The following DNAH8 variants were observed in gnomAD, a reference collection of about 807,000 sequenced individuals.
DNAH8 encodes dynein axonemal heavy chain 8.
A neutral mutation model predicts 562.1 loss-of-function variants in DNAH8; 382 were observed. The ratio of observed to expected loss-of-function variants is 0.68; its 90% CI spans 0.63 to 0.74. The LOEUF (loss-of-function observed/expected upper bound fraction) is 0.74. Ranked by LOEUF, DNAH8 falls within the 30% of genes least tolerant of loss-of-function variation. The probability of loss-of-function intolerance (pLI) is 0.00; values close to 1 mark genes in which losing one functional copy is unlikely to be tolerated. For synonymous variants in DNAH8, 1,881 were observed against 1,919.4 expected (o/e 0.98, Z 0.52); for missense variants, 5,203 against 5,620.4 (o/e 0.93, Z 2.37).
rs1774445864 is a variant in DNAH8 at position 38,838,047 on chromosome 6, G to C, written c.4466+5G>C. On this transcript the variant is annotated splice_donor_5th_base_variant and intron_variant, in intron 33 of 92. Coordinates refer to ENST00000327475, the MANE Select transcript of DNAH8 (RefSeq NM_001206927.2). ...TGAGGTTTTACACAAAACCAGGTAA[G>C]TTTAGAAAATAAGCAAGTATTACAT... 1 of 1,585,240 alleles carries C rather than the reference G, an allele frequency of 6.3e-7. No individual in the cohort carries two copies. Among genetic ancestry groups the C allele is most frequent in the Non-Finnish European group, 8.6e-7 (1 of 1,160,104 alleles).
intron 91 of DNAH8, among the ~76,000 whole-genome samples, chr6:39,020,622 A>G (rs1766855457): frequency 6.6e-6 from 1 of 152,120 alleles, no homozygotes; most frequent in African/African-American, 2.4e-5. Flanking sequence ...CCTATCATCT[A>G]GGTTTTAAGC....
At chr6:38,791,513 G>C (rs146115386) in intron 20 of DNAH8, 42 bp from the exon 21 acceptor site, 68 of 1,580,344 alleles carry the variant, frequency 4.3e-5, no homozygotes, top group Non-Finnish European at 5.7e-5. Flanking sequence ...TAGCTCTAAA[G>C]GAAAGAAGAG....
chr6:38,881,304 G>A (rs1778459817), intron 53 of DNAH8, among the ~76,000 whole-genome samples: 1 of 152,166 alleles, frequency 6.6e-6, no homozygotes, highest in Non-Finnish European at 1.5e-5. Context: ...CAATATCAAT[G>A]TATGCTTTCT....
Position 39,030,574 on chromosome 6 carries a change from G to T in DNAH8, c.*182G>T. On this transcript the variant is annotated 3_prime_UTR_variant, in exon 93 of 93. Transcript: ENST00000327475. ...TTCCTCACATATCAATATTCAAAAAGATAACTCTAAATGAATGTTTTTTAT... is the reference window on the plus strand; with the variant it reads ...TTCCTCACATATCAATATTCAAAAATATAACTCTAAATGAATGTTTTTTAT... 1.8e-6 allele frequency: 1 copy of T among 551,190 alleles called. No homozygotes were observed. Among genetic ancestry groups the T allele is most frequent in the Non-Finnish European group, 3.2e-6 (1 of 314,970 alleles). The allele number at this position is 551,190 out of a possible 1,614,324, so 34.1% of individuals were successfully genotyped here.
At chr6:38,935,521 C>T in intron 76 of DNAH8, 71 bp from the exon 77 acceptor site, 1 of 1,030,328 alleles carries the variant, frequency 9.7e-7, no homozygotes, top group South Asian at 1.5e-5. Context: ...TTAATAAACA[C>T]TAGTGAGTTG....
At chr6:39,002,176 A>G (rs1189096734) in intron 88 of DNAH8, among the ~76,000 whole-genome samples, 1 of 152,186 alleles carries the variant, frequency 6.6e-6, no homozygotes, top group Non-Finnish European at 1.5e-5. Context: ...TGATAAAGTC[A>G]GAGGTTCAAT....
At chr6:38,872,263 A>C (rs1420342526) in intron 49 of DNAH8, among the ~76,000 whole-genome samples, 4 of 152,242 alleles carry the variant, frequency 2.6e-5, no homozygotes, top group Non-Finnish European at 4.4e-5. Flanking sequence ...ACAGGGAATC[A>C]TCACGCAAGA....
intron 43 of DNAH8, among the ~76,000 whole-genome samples, chr6:38,860,893 GA>G (rs1776568753): frequency 1.3e-5 from 2 of 152,168 alleles, no homozygotes; most frequent in South Asian, 4.1e-4. Flanking sequence ...TTGCAAGATG[GA>G]AAAATATTCC....
At chr6:38,924,984 C>T (rs1287873125) in intron 73 of DNAH8, 3 of 152,228 alleles carry the variant, frequency 2.0e-5, no homozygotes, top group Non-Finnish European at 4.4e-5. Context: ...GTAATAAATG[C>T]TTTCCAGGCA....
In DNAH8 at chr6:38,748,335, G is replaced by A. The variant is rs557102966; in HGVS notation, c.1294-2141G>A. On this transcript the variant is annotated intron_variant, in intron 8 of 92. Transcript: ENST00000327475. ...ATCTATGAATGACATTGAGGAGGGA[G>A]GGAAAGAAATATATTGGATGACAAT... Among the ~76,000 whole-genome samples, 19 of 152,276 alleles carry A rather than the reference G, an allele frequency of 1.2e-4. No individual in the cohort carries two copies. In the South Asian group the frequency reaches 3.5e-3, roughly 28 times the overall value.
intron 26 of DNAH8, among the ~76,000 whole-genome samples, chr6:38,818,295 A>G (rs1772471221): frequency 6.6e-6 from 1 of 151,988 alleles, no homozygotes; most frequent in South Asian, 2.1e-4. Flanking sequence ...CATTCTATAT[A>G]TTTTTCTATT....
intron 91 of DNAH8, among the ~76,000 whole-genome samples, chr6:39,016,629 A>G (rs1766591905): frequency 6.6e-6 from 1 of 152,194 alleles, no homozygotes; most frequent in Admixed American, 6.5e-5. Flanking sequence ...TAGTTTCATC[A>G]CAAATATATA....
intron 88 of DNAH8, among the ~76,000 whole-genome samples, chr6:39,008,453 C>T (rs371005978): frequency 2.0e-5 from 3 of 152,188 alleles, no homozygotes; most frequent in African/African-American, 7.2e-5. Flanking sequence ...CTCTTATGAC[C>T]AGTCTATAGC....
chr6:38,914,553 T>C (rs1207201805), intron 67 of DNAH8, among the ~76,000 whole-genome samples: 1 of 151,958 alleles, frequency 6.6e-6, no homozygotes, highest in Non-Finnish European at 1.5e-5. Context: ...GGTTTCACCA[T>C]GTTGGCCAGG....
intron 91 of DNAH8, among the ~76,000 whole-genome samples, chr6:39,016,543 T>A (rs1372164116): frequency 7.1e-6 from 1 of 141,294 alleles, no homozygotes; most frequent in Admixed American, 7.3e-5. Context: ...AGAGCGAGAC[T>A]CTGTCTCAAA....
chr6:38,987,863 T>C (rs896357180), intron 87 of DNAH8, among the ~76,000 whole-genome samples: 1 of 152,208 alleles, frequency 6.6e-6, no homozygotes, highest in African/African-American at 2.4e-5. Context: ...TGAGTTTGGG[T>C]CTCTGGCCCT....
chr6:38,732,561 G>A (rs1379108607), intron 4 of DNAH8, among the ~76,000 whole-genome samples: 1 of 152,068 alleles, frequency 6.6e-6, no homozygotes, highest in Non-Finnish European at 1.5e-5. Context: ...GGCGGAAGGT[G>A]GATAACAAAA....
intron 12 of DNAH8, among the ~76,000 whole-genome samples, chr6:38,771,044 G>A (rs1284470215): frequency 6.6e-6 from 1 of 152,130 alleles, no homozygotes; most frequent in African/African-American, 2.4e-5. Flanking sequence ...GGTTGGGAAG[G>A]AGTGACATTT....
At chr6:38,941,768 G>A (rs1412278697) in intron 79 of DNAH8, among the ~76,000 whole-genome samples, 1 of 152,150 alleles carries the variant, frequency 6.6e-6, no homozygotes, top group East Asian at 1.9e-4. Context: ...GGGGTAGGGG[G>A]CATTGAAGCG....
Sources: gnomAD v4.1 joint callset for allele counts (sites outside exome capture counted in the v4.1 genomes callset) on GRCh38, gnomAD v4.1.1 for gene constraint, MANE v1.5 for transcripts, NCBI Gene and HGNC (gene_info 2026-07-23, HGNC 2026-07-21) for gene names.